The following DZIP3 variants were observed in gnomAD, a reference collection of about 807,000 sequenced individuals.
DZIP3 encodes E3 ubiquitin-protein ligase DZIP3.
Under a neutral mutation model 162.0 loss-of-function variants are expected in DZIP3, and 118 were observed. The observed-to-expected ratio is 0.73, with a 90% CI of 0.63 to 0.85. The LOEUF (loss-of-function observed/expected upper bound fraction) is 0.85, where lower values mean the gene tolerates loss of function less well. Ranked by LOEUF, DZIP3 falls within the 40% of genes least tolerant of loss-of-function variation. The probability of loss-of-function intolerance (pLI) is 0.00; values close to 1 mark genes in which losing one functional copy is unlikely to be tolerated. For synonymous variants in DZIP3, 438 were observed against 458.6 expected (o/e 0.96, Z 0.57); for missense variants, 1,331 against 1,407.0 (o/e 0.95, Z 0.86).
intron 5 of DZIP3, among the ~76,000 whole-genome samples, chr3:108,623,597 C>G (rs1456683356): frequency 6.6e-6 from 1 of 152,136 alleles, no homozygotes; most frequent in African/African-American, 2.4e-5. Flanking sequence ...GAGTTGTTTT[C>G]CCTGGAGTTG....
At position 108,616,537 on chromosome 3, in the gene DZIP3, A is replaced by T; in HGVS notation, c.259-4A>T. On this transcript the variant is annotated splice_polypyrimidine_tract_variant and splice_region_variant and intron_variant, in intron 4 of 32. Coordinates refer to ENST00000361582, the MANE Select transcript of DZIP3 (RefSeq NM_014648.4). ...GACATTTTTAACTGAATAATTTTCC[A>T]CAGAGAGAAGTTGCAGCTAACAGCC... 1 of 1,597,840 alleles carries T rather than the reference A, an allele frequency of 6.3e-7. No homozygotes were observed.
chr3:108,658,466 G>C (rs1229019441), intron 19 of DZIP3, among the ~76,000 whole-genome samples: 1 of 152,080 alleles, frequency 6.6e-6, no homozygotes, highest in Admixed American at 6.5e-5. Context: ...CAACATACCA[G>C]AATCTCTGGG....
At chr3:108,656,752 G>A (rs949614552) in intron 19 of DZIP3, among the ~76,000 whole-genome samples, 2 of 152,092 alleles carry the variant, frequency 1.3e-5, no homozygotes, top group Non-Finnish European at 2.9e-5. Context: ...AAAAAAATTA[G>A]ACGAATGGCT....
In DZIP3 at chr3:108,644,084, G is replaced by A. The variant is rs1029612392; in HGVS notation, c.1142-80G>A. 21 of 1,466,732 alleles carry A rather than the reference G, an allele frequency of 1.4e-5. No individual in the cohort carries two copies. The Admixed American group carries it at 4.7e-4, about 33-fold the overall frequency. The allele number at this position is 1,466,732 out of a possible 1,614,324, so 90.9% of individuals were successfully genotyped here. On this transcript the variant is annotated intron_variant, in intron 13 of 32. Coordinates refer to ENST00000361582, the MANE Select transcript of DZIP3 (RefSeq NM_014648.4). ...TTGGAATAGTTTTTATCCTACAGGA[G>A]CTTAGGATACAATGTGAGAGACCAA...
Position 108,662,243 on chromosome 3 carries a change from C to T in DZIP3, c.2409C>T (p.Ile803=). 1.9e-6 allele frequency: 3 copies of T among 1,591,768 alleles called. No homozygotes were observed. The highest frequency in any genetic ancestry group is 2.6e-6 in the Non-Finnish European group (3 of 1,174,092). ...TTAATCAACAAGTTGCTTTTGGAAT[C>T]AATAAGGTTTCCAAGTAAGTGTAAA... ...ASLNQQVAFG[I]NKVSKLQRQI... is the part of the protein sequence containing the mutation. Residue 803 remains isoleucine (I), a synonymous_variant, in exon 21 of 33, where the codon ATC becomes ATT. Transcript: ENST00000361582.
intron 7 of DZIP3, among the ~76,000 whole-genome samples, chr3:108,626,717 A>T (rs912251444): frequency 6.6e-6 from 1 of 152,214 alleles, no homozygotes; most frequent in Non-Finnish European, 1.5e-5. Context: ...GTACAGTGAA[A>T]GATATAGATC....
intron 25 of DZIP3, 83 bp downstream of exon 25, chr3:108,675,956 TAAGG>T (rs1344743461): frequency 5.1e-6 from 6 of 1,183,268 alleles, no homozygotes; most frequent in African/African-American, 1.6e-5. Context: ...TAGAAAAATT[TAAGG>T]AAGAACATAT....
At chr3:108,631,043 A>ACT (rs1559741160) in intron 8 of DZIP3, among the ~76,000 whole-genome samples, 19 of 90,268 alleles carry the variant, frequency 2.1e-4, no homozygotes, top group Admixed American at 1.3e-3. Context: ...ACACACACAC[A>ACT]CACACACACA....
intron 17 of DZIP3, among the ~76,000 whole-genome samples, chr3:108,649,448 G>GT (rs1449230414): frequency 1.3e-5 from 2 of 151,756 alleles, no homozygotes; most frequent in Non-Finnish European, 3.0e-5. Flanking sequence ...GATTTTGTCA[G>GT]TTGCAAAATG....
At chr3:108,663,896 T>C (rs1267081006) in intron 21 of DZIP3, among the ~76,000 whole-genome samples, 1 of 152,242 alleles carries the variant, frequency 6.6e-6, no homozygotes, top group Non-Finnish European at 1.5e-5. Flanking sequence ...GATACCAAGA[T>C]GTGTGAGACA....
At chr3:108,619,419 T>A (rs768448604) in intron 5 of DZIP3, among the ~76,000 whole-genome samples, 11 of 152,106 alleles carry the variant, frequency 7.2e-5, no homozygotes, top group South Asian at 2.1e-4. Context: ...TATGAGGAAT[T>A]GCCTCATGTC....
intron 1 of DZIP3, among the ~76,000 whole-genome samples, chr3:108,597,383 T>C (rs1001438359): frequency 2.6e-5 from 4 of 152,152 alleles, no homozygotes; most frequent in African/African-American, 9.7e-5. Flanking sequence ...TATCCCAGAA[T>C]AAGAATGTTG....
chr3:108,644,541 A>T lies in DZIP3; in HGVS notation c.1519A>T (p.Lys507Ter). Residue 507 changes from lysine (K) to a stop codon, truncating the protein, a stop_gained, in exon 14 of 33, where the codon AAA becomes TAA. Coordinates refer to ENST00000361582, the MANE Select transcript of DZIP3 (RefSeq NM_014648.4). LOFTEE classifies it high-confidence loss of function. The stretch of plus-strand genomic sequence containing the variant: ...ATCTGCAGACATCCTGAGACTGTGC[A>T]AATACAGGGATATCCTCCTTAGTGA... The part of the protein sequence containing the change: ...SKSADILRLC[K>*]YRDILLSEIL... 6.2e-7 allele frequency: 1 copy of T among 1,614,120 alleles called. No homozygotes were observed. The highest frequency in any genetic ancestry group is 1.7e-5 in the Admixed American group (1 of 59,996).
intron 8 of DZIP3, among the ~76,000 whole-genome samples, chr3:108,631,008 TACACACACACACACACACACAC>T (rs779771238): frequency 3.6e-5 from 1 of 27,450 alleles, no homozygotes; most frequent in Non-Finnish European, 5.8e-5. Flanking sequence ...ATACATCCCC[TACACACACACACACACACACAC>T]ACACACACAC....
At position 108,675,834 on chromosome 3, in the gene DZIP3, C is replaced by A. The variant is rs760530315; in HGVS notation, c.2742C>A (p.Ala914=). ...QLKAAVDSWN[A]IVADVRNKIA... is the part of the protein sequence containing the mutation. ...AGGCTGCGGTAGACAGTTGGAATGC[C>A]ATTGTGGCAGATGTTAGAAACAAGA... The change falls in exon 25 of 33, where the codon GCC becomes GCA. Residue 914 remains alanine, a synonymous_variant. Coordinates refer to ENST00000361582, the MANE Select transcript of DZIP3 (RefSeq NM_014648.4). 1 of 1,610,248 alleles carries A rather than the reference C, an allele frequency of 6.2e-7. No homozygotes were observed. Among genetic ancestry groups the A allele is most frequent in the South Asian group, 1.1e-5 (1 of 90,688 alleles).
At chr3:108,615,451 A>G (rs1326588116) in intron 4 of DZIP3, among the ~76,000 whole-genome samples, 1 of 152,216 alleles carries the variant, frequency 6.6e-6, no homozygotes, top group Non-Finnish European at 1.5e-5. Flanking sequence ...ATTTAAAATT[A>G]TGATACTGGG....
At chr3:108,673,817 A>G (rs903112960) in intron 23 of DZIP3, among the ~76,000 whole-genome samples, 12 of 151,968 alleles carry the variant, frequency 7.9e-5, no homozygotes, top group Admixed American at 1.3e-4. Context: ...AGTTTCTGAG[A>G]CGATTCCAGT....
At chr3:108,616,265 AAAATAAATAAATAAATAAAT>A (rs200164808) in intron 4 of DZIP3, among the ~76,000 whole-genome samples, 4,164 of 145,360 alleles carry the variant, frequency 0.029, 211 homozygotes, top group African/African-American at 0.1. Context: ...CTCCATCTCA[AAAATAAATAAATAAATAAAT>A]AAATAAATAA....
At position 108,688,769 on chromosome 3, in the gene DZIP3, T is replaced by C. The variant is rs774455433; in HGVS notation, c.3414+33T>C. 15 of 1,613,788 alleles carry C rather than the reference T, an allele frequency of 9.3e-6. No individual in the cohort carries two copies. The East Asian group carries it at 2.9e-4, about 31-fold the overall frequency. ...TGAAATTTTTGATTCTGAACACATT[T>C]AGATTTGGGAGAAAACAATGAGCTA... On this transcript the variant is annotated intron_variant, in intron 30 of 32. Transcript: ENST00000361582.
Sources: allele counts gnomAD v4.1 joint callset (sites outside exome capture counted in the v4.1 genomes callset), GRCh38; gene constraint gnomAD v4.1.1; transcripts MANE v1.5; gene names NCBI Gene and HGNC (gene_info 2026-07-23, HGNC 2026-07-21).